The following PPP1R9A variants were observed in gnomAD, a reference collection of about 807,000 sequenced individuals.
PPP1R9A encodes the protein protein phosphatase 1 regulatory subunit 9A.
A neutral mutation model predicts 141.9 loss-of-function variants in PPP1R9A; 59 were observed. That is an observed-to-expected ratio of 0.42 (90% CI 0.34 to 0.52). The LOEUF is 0.52. Among genes scored for constraint, PPP1R9A ranks in the 20% least tolerant of loss-of-function variants. The probability of loss-of-function intolerance (pLI) is 0.10; values close to 1 mark genes in which losing one functional copy is unlikely to be tolerated. For missense variants in PPP1R9A, 1,444 were observed against 1,611.9 expected, an observed-to-expected ratio of 0.90 and a Z score of 1.78; for synonymous variants, 500 against 569.7, an observed-to-expected ratio of 0.88 and a Z score of 1.74.
In PPP1R9A at chr7:95,259,932, T is replaced by C. The variant is rs372582248; in HGVS notation, c.2665+7802T>C. On this transcript the variant is annotated intron_variant, in intron 12 of 19. Transcript: ENST00000433360. ...TATATATATTTTTTGCATACAGATATAATGTAAACTTTCACAATTTTCATT... is the reference window on the plus strand; with the variant it reads ...TATATATATTTTTTGCATACAGATACAATGTAAACTTTCACAATTTTCATT... 2.8e-3 allele frequency among the ~76,000 whole-genome samples: 423 copies of C among 152,286 alleles called. 2 individuals are homozygous for C. Among genetic ancestry groups the C allele is most frequent in the African/African-American group, 8.7e-3 (361 of 41,570 alleles).
chr7:95,000,656 A>G (rs1802795771), intron 2 of PPP1R9A, among the ~76,000 whole-genome samples: 1 of 152,068 alleles, frequency 6.6e-6, no homozygotes, highest in Non-Finnish European at 1.5e-5. Context: ...AAGAATTTTT[A>G]TGCATATTAT....
intron 2 of PPP1R9A, among the ~76,000 whole-genome samples, chr7:94,935,211 C>T (rs1226048606): frequency 6.6e-6 from 1 of 152,118 alleles, no homozygotes; most frequent in Non-Finnish European, 1.5e-5. Flanking sequence ...TCAATTCCTT[C>T]TCATCTCTCC....
intron 2 of PPP1R9A, among the ~76,000 whole-genome samples, chr7:94,960,490 A>G (rs1192927173): frequency 6.6e-6 from 1 of 151,754 alleles, no homozygotes; most frequent in East Asian, 1.9e-4. Context: ...AGGTCAAAAT[A>G]AAATGAAGAG....
intron 2 of PPP1R9A, among the ~76,000 whole-genome samples, chr7:94,913,609 C>G (rs1028877094): frequency 6.6e-6 from 1 of 152,086 alleles, no homozygotes; most frequent in African/African-American, 2.4e-5. Flanking sequence ...ATTACTCTTT[C>G]TTGCTGCTTC....
chr7:95,292,676 G>T lies in PPP1R9A; in HGVS notation c.*2373G>T, dbSNP rs1017243383. On this transcript the variant is annotated 3_prime_UTR_variant, in exon 20 of 20. Coordinates refer to ENST00000433360, the MANE Select transcript of PPP1R9A (RefSeq NM_001166160.2). ...AATCATTTAGTATTATAAGTATTTT[G>T]ATTTTTTAAGTTAAATTATAGTAAT... 5 of 152,008 alleles carry T rather than the reference G, an allele frequency of 3.3e-5. No individual in the cohort carries two copies. Among genetic ancestry groups the T allele is most frequent in the Non-Finnish European group, 5.9e-5 (4 of 67,996 alleles). The allele number at this position is 152,008 out of a possible 1,614,324, so 9.4% of individuals were successfully genotyped here.
intron 2 of PPP1R9A, among the ~76,000 whole-genome samples, chr7:94,988,973 A>G (rs1801176723): frequency 6.6e-6 from 1 of 152,084 alleles, no homozygotes; most frequent in Admixed American, 6.6e-5. Flanking sequence ...ACTTTACAAC[A>G]GAAAACAATC....
intron 12 of PPP1R9A, among the ~76,000 whole-genome samples, chr7:95,254,502 C>T (rs1799313000): frequency 6.6e-6 from 1 of 152,168 alleles, no homozygotes; most frequent in South Asian, 2.1e-4. Context: ...AGGTATAGCA[C>T]TTCCAGTAGT....
chr7:94,923,238 A>G (rs1158472301), intron 2 of PPP1R9A, among the ~76,000 whole-genome samples: 2 of 152,198 alleles, frequency 1.3e-5, no homozygotes. Flanking sequence ...TATTGTGTAT[A>G]TGATATTCTA....
Position 95,229,427 on chromosome 7 carries a change from C to T in PPP1R9A, c.2112+3311C>T, listed in dbSNP as rs555331976. Among the ~76,000 whole-genome samples, 80 of 151,994 alleles carry T rather than the reference C, an allele frequency of 5.3e-4. 2 individuals carry two copies. The highest frequency in any genetic ancestry group is 1.9e-3 in the African/African-American group (79 of 41,478). On this transcript the variant is annotated intron_variant, in intron 8 of 19. Coordinates refer to ENST00000433360, the MANE Select transcript of PPP1R9A (RefSeq NM_001166160.2). Reference sequence around the variant, plus strand: ...AGACTTGGTGCTGTTGTGGAGGGCACGGTGGGAGTGAGACTGGCCTTTAGG... The same window carrying T: ...AGACTTGGTGCTGTTGTGGAGGGCATGGTGGGAGTGAGACTGGCCTTTAGG...
intron 8 of PPP1R9A, among the ~76,000 whole-genome samples, chr7:95,228,046 T>C (rs1296746368): frequency 6.6e-6 from 1 of 152,202 alleles, no homozygotes; most frequent in Non-Finnish European, 1.5e-5. Context: ...TATATAGCAC[T>C]GGGCACTTTT....
chr7:95,139,810 TA>T (rs1177269547), intron 4 of PPP1R9A, among the ~76,000 whole-genome samples: 2,076 of 95,242 alleles, frequency 0.022, 27 homozygotes, highest in Admixed American at 0.059. Flanking sequence ...AGCAAAACAT[TA>T]AAAAAAAAAA....
intron 2 of PPP1R9A, among the ~76,000 whole-genome samples, chr7:95,044,086 AAAG>A (rs1449647719): frequency 6.6e-6 from 1 of 152,234 alleles, no homozygotes; most frequent in Admixed American, 6.5e-5. Flanking sequence ...AGAAAAATCA[AAAG>A]AAGCCTTAGG....
chr7:95,149,627 G>A (rs373204820), intron 4 of PPP1R9A, among the ~76,000 whole-genome samples: 1 of 151,678 alleles, frequency 6.6e-6, no homozygotes, highest in African/African-American at 2.4e-5. Context: ...ATTCATTTCT[G>A]TTAACACCCC....
chr7:95,197,187 A>G (rs950104291), intron 5 of PPP1R9A, among the ~76,000 whole-genome samples: 11 of 152,180 alleles, frequency 7.2e-5, no homozygotes. Flanking sequence ...GCATCAATTA[A>G]ATGTAGAAAC....
chr7:95,139,810 T>TAAAAAAAAAAAAA (rs1177269547), intron 4 of PPP1R9A, among the ~76,000 whole-genome samples: 5 of 95,330 alleles, frequency 5.2e-5, no homozygotes, highest in Non-Finnish European at 9.0e-5. Context: ...AGCAAAACAT[T>TAAAAAAAAAAAAA]AAAAAAAAAA....
In PPP1R9A at chr7:95,250,153, G is replaced by A; in HGVS notation, c.2294G>A (p.Cys765Tyr). ...TACTGGATTGAGGCCCAAACATTAT[G>A]CCACACAGTGAATGAGCATCTCAAA... ...ESYWIEAQTL[C>Y]HTVNEHLKET... The change falls in exon 10 of 20, where the codon TGC (cysteine) becomes TAC (tyrosine). Residue 765 changes from cysteine (C) to tyrosine (Y), a missense_variant. Around this residue, in one of 5 missense-constraint regions of PPP1R9A, gnomAD observed 488 missense variants for 542.0 expected, o/e 0.90. Coordinates refer to ENST00000433360, the MANE Select transcript of PPP1R9A (RefSeq NM_001166160.2). The A allele has an allele frequency of 6.2e-7, 1 of 1,613,988 alleles. No homozygotes were observed. Among genetic ancestry groups the A allele is most frequent in the Non-Finnish European group, 8.5e-7 (1 of 1,179,944 alleles).
intron 12 of PPP1R9A, among the ~76,000 whole-genome samples, chr7:95,267,279 A>T (rs1047547904): frequency 1.3e-5 from 2 of 152,136 alleles, no homozygotes; most frequent in Non-Finnish European, 2.9e-5. Context: ...ATAATATTAT[A>T]AGAAATTGTT....
At position 95,290,311 on chromosome 7, in the gene PPP1R9A, C is replaced by G. The variant is rs1016328349; in HGVS notation, c.*8C>G. Reference sequence around the variant, plus strand: ...GGTGCTGGTGAGCAGTAACACATACCCTCTTACAGATGATGGAGATGCTCC... The same window carrying G: ...GGTGCTGGTGAGCAGTAACACATACGCTCTTACAGATGATGGAGATGCTCC... On this transcript the variant is annotated 3_prime_UTR_variant, in exon 20 of 20. Coordinates refer to ENST00000433360, the MANE Select transcript of PPP1R9A (RefSeq NM_001166160.2). 4 of 1,603,772 alleles carry G rather than the reference C, an allele frequency of 2.5e-6. No homozygotes were observed. In the South Asian group the frequency reaches 3.4e-5, roughly 13 times the overall value.
intron 2 of PPP1R9A, among the ~76,000 whole-genome samples, chr7:95,089,662 G>C (rs1817071658): frequency 1.3e-5 from 2 of 151,738 alleles, no homozygotes; most frequent in Admixed American, 1.3e-4. Context: ...TCCCTACTTA[G>C]GTAATTGCTC....
Sources: allele counts gnomAD v4.1 joint callset (sites outside exome capture counted in the v4.1 genomes callset), GRCh38; gene constraint gnomAD v4.1.1; regional missense constraint gnomAD v4.1.1; transcripts MANE v1.5; gene names NCBI Gene and HGNC (gene_info 2026-07-23, HGNC 2026-07-21).